The following TSHR variants were observed in gnomAD, a reference collection of about 807,000 sequenced individuals.
TSHR encodes the protein thyroid stimulating hormone receptor.
Under a neutral mutation model 64.1 loss-of-function variants are expected in TSHR, and 51 were observed. The ratio of observed to expected loss-of-function variants is 0.80; its 90% confidence interval spans 0.64 to 1.01. The LOEUF is 1.01. Ranked by LOEUF, TSHR falls within the 50% of genes least tolerant of loss-of-function variation. The pLI is 0.00. For synonymous variants in TSHR, 361 were observed against 361.9 expected (o/e 1.00, Z 0.03); for missense variants, 877 against 942.8 (o/e 0.93, Z 0.91).
intron 3 of TSHR, among the ~76,000 whole-genome samples, chr14:81,082,816 T>C (rs1454752021): frequency 1.3e-5 from 2 of 152,196 alleles, no homozygotes; most frequent in African/African-American, 2.4e-5. Flanking sequence ...CATCCCCATC[T>C]AATTTTGCAG....
At chr14:81,010,514 C>T (rs989502089) in intron 1 of TSHR, among the ~76,000 whole-genome samples, 3 of 151,698 alleles carry the variant, frequency 2.0e-5, no homozygotes, top group Non-Finnish European at 2.9e-5. Context: ...TTTAAATTTA[C>T]ATTTTCTAAA....
intron 1 of TSHR, among the ~76,000 whole-genome samples, chr14:80,984,019 G>A (rs138227765): frequency 1.3e-5 from 2 of 152,076 alleles, no homozygotes; most frequent in Non-Finnish European, 2.9e-5. Context: ...ATAGAAGTAA[G>A]GCATACACAC....
chr14:81,115,844 C>A (rs1247926914), intron 8 of TSHR, among the ~76,000 whole-genome samples: 1 of 152,032 alleles, frequency 6.6e-6, no homozygotes, highest in African/African-American at 2.4e-5. Flanking sequence ...GGCAGAAACC[C>A]TACAAGCCAG....
chr14:80,957,090 T>C (rs1472383860), intron 1 of TSHR, among the ~76,000 whole-genome samples: 4 of 152,194 alleles, frequency 2.6e-5, no homozygotes, highest in African/African-American at 9.7e-5. Context: ...TGCTGAGAAC[T>C]TCTGGCACTT....
Position 81,144,129 on chromosome 14 carries a change from A to G in TSHR, c.2071A>G (p.Ile691Val). ...CAAGGCCTTCCAGAGGGATGTGTTC[A>G]TCCTACTCAGCAAGTTTGGCATCTG... The part of the protein sequence containing the change: ...FTKAFQRDVF[I>V]LLSKFGICKR... The change falls in exon 10 of 10, where the codon ATC becomes GTC. Residue 691 changes from isoleucine to valine, a missense_variant. By Grantham distance (29) the Ile-to-Val change is conservative. Coordinates refer to ENST00000298171, the MANE Select transcript of TSHR (RefSeq NM_000369.5). 1 of 1,614,146 alleles carries G rather than the reference A, an allele frequency of 6.2e-7. No homozygotes were observed. Among genetic ancestry groups the G allele is most frequent in the Admixed American group, 1.7e-5 (1 of 60,022 alleles).
intron 1 of TSHR, among the ~76,000 whole-genome samples, chr14:80,990,724 G>A (rs35523135): frequency 4.6e-5 from 7 of 151,858 alleles, no homozygotes; most frequent in African/African-American, 7.3e-5. Context: ...GCACAGTCTC[G>A]GCTTACCGCA....
chr14:81,135,657 A>G (rs1891424326), intron 8 of TSHR, among the ~76,000 whole-genome samples: 1 of 152,240 alleles, frequency 6.6e-6, no homozygotes, highest in South Asian at 2.1e-4. Context: ...GAGAGACTCC[A>G]CAAGGACATC....
rs544451296 is a variant in TSHR, at chr14:81,079,923, T to A, written c.318-8031T>A. 2.3e-5 allele frequency among the ~76,000 whole-genome samples: 3 copies of A among 129,630 alleles called. No individual in the cohort carries two copies. In the Admixed American group the frequency reaches 2.5e-4, roughly 11 times the overall value. The allele number at this position is 129,630 out of a possible 152,430, so 85.0% of individuals were successfully genotyped here. On this transcript the variant is annotated intron_variant, in intron 3 of 9. Coordinates refer to ENST00000298171, the MANE Select transcript of TSHR (RefSeq NM_000369.5). Reference sequence around the variant, plus strand: ...CCTCAGAAGAATGTTTTTACTTTTATGTGAGTTTTTGGGTTTTGTTTGTTT... The same window carrying A: ...CCTCAGAAGAATGTTTTTACTTTTAAGTGAGTTTTTGGGTTTTGTTTGTTT...
In TSHR at chr14:81,142,824, G is replaced by T; in HGVS notation, c.882-116G>T. 5.9e-6 allele frequency: 5 copies of T among 851,442 alleles called. No individual in the cohort carries two copies. The South Asian group carries it at 6.7e-5, about 11-fold the overall frequency. The allele number at this position is 851,442 out of a possible 1,614,324, so 52.7% of individuals were successfully genotyped here. ...GGGATTTCACCATGTTGCCCAGGCT[G>T]GTCTCAAACTCCTAGGCTCAAGCAA... On this transcript the variant is annotated intron_variant, in intron 9 of 9. Transcript: ENST00000298171.
intron 8 of TSHR, among the ~76,000 whole-genome samples, chr14:81,125,048 A>G (rs1231520156): frequency 6.6e-6 from 1 of 152,214 alleles, no homozygotes; most frequent in East Asian, 1.9e-4. Context: ...AGGATAAGAC[A>G]CAGCCTCTGC....
chr14:81,127,530 G>A (rs990602667), intron 8 of TSHR, among the ~76,000 whole-genome samples: 6 of 151,992 alleles, frequency 3.9e-5, no homozygotes, highest in South Asian at 2.1e-4. Flanking sequence ...CAGTTGATAC[G>A]GTTTGGCTGT....
At chr14:81,102,890 C>T (rs935014892) in intron 7 of TSHR, 8 of 984,992 alleles carry the variant, frequency 8.1e-6, no homozygotes, top group African/African-American at 5.2e-5. Flanking sequence ...AAATATTTGG[C>T]GTTAGAAAGT....
chr14:81,053,772 T>C (rs1885573458), intron 1 of TSHR: 1 of 152,220 alleles, frequency 6.6e-6, no homozygotes, highest in Non-Finnish European at 1.5e-5. Flanking sequence ...ATGTTCTTCA[T>C]AGCAGCTTTC....
At position 81,090,950 on chromosome 14, in the gene TSHR, T is replaced by A. The variant is rs138056771; in HGVS notation, c.393-119T>A. 3,496 of 827,752 alleles carry A rather than the reference T, an allele frequency of 4.2e-3. 73 individuals are homozygous for A. In the African/African-American group the frequency reaches 0.05, roughly 12 times the overall value. 51.3% of individuals were successfully genotyped at this position (827,752 alleles called of 1,614,324 possible). A position where few individuals can be genotyped will look rare whatever the true frequency, so the allele number is the denominator to read the frequency against. The stretch of plus-strand genomic sequence containing the variant: ...AGATATTTAGGGAAGGTGTTGGGAG[T>A]TTGACTACAGGTTGTCTTCAGAACC... On this transcript the variant is annotated intron_variant, in intron 4 of 9. Transcript: ENST00000298171.
intron 8 of TSHR, among the ~76,000 whole-genome samples, chr14:81,128,069 G>A (rs1274993320): frequency 1.3e-5 from 2 of 152,090 alleles, no homozygotes; most frequent in Admixed American, 1.3e-4. Flanking sequence ...GGAAAGTATA[G>A]GCTTATAAGA....
chr14:81,092,671 T>A, intron 6 of TSHR, 63 bp downstream of exon 6: 1 of 1,481,152 alleles, frequency 6.8e-7, no homozygotes, highest in Non-Finnish European at 9.4e-7. Context: ...TTTTCATATG[T>A]TTACAGACCA....
chr14:81,096,231 C>T (rs376030545), intron 6 of TSHR, among the ~76,000 whole-genome samples: 6 of 152,132 alleles, frequency 3.9e-5, no homozygotes, highest in African/African-American at 1.2e-4. Flanking sequence ...TAAAAACATA[C>T]GCATTCAGAT....
intron 8 of TSHR, among the ~76,000 whole-genome samples, chr14:81,135,506 C>A (rs1388949532): frequency 6.6e-6 from 1 of 152,130 alleles, no homozygotes; most frequent in East Asian, 1.9e-4. Context: ...GTAGTTCAGA[C>A]CTAAACTAAG....
At chr14:80,974,518 T>C (rs188030594) in intron 1 of TSHR, among the ~76,000 whole-genome samples, 2 of 152,286 alleles carry the variant, frequency 1.3e-5, no homozygotes, top group African/African-American at 4.8e-5. Context: ...TGGCCTTATG[T>C]AGCATAACCA....
Sources: allele counts gnomAD v4.1 joint callset (sites outside exome capture counted in the v4.1 genomes callset), GRCh38; gene constraint gnomAD v4.1.1; transcripts MANE v1.5; gene names NCBI Gene and HGNC (gene_info 2026-07-23, HGNC 2026-07-21).